POU2F3: variants seen among roughly 807,000 people sequenced by gnomAD.
POU2F3 encodes the protein POU class 2 homeobox 3.
In POU2F3, 23 loss-of-function variants were observed where a neutral mutation model predicts 59.2. That is an observed-to-expected ratio of 0.39 (90% confidence interval 0.28 to 0.55). The LOEUF is 0.55. POU2F3 is among the 20% of genes least tolerant of loss of function. The pLI, the probability that POU2F3 is intolerant of heterozygous loss-of-function variation, is 0.66. For synonymous variants in POU2F3, 190 were observed against 214.6 expected, an observed-to-expected ratio of 0.89 and a Z score of 1.00; for missense variants, 473 against 544.5, an observed-to-expected ratio of 0.87 and a Z score of 1.31.
intron 2 of POU2F3, chr11:120,265,784 A>G (rs1461158052): frequency 1.3e-5 from 2 of 152,064 alleles, no homozygotes; most frequent in Non-Finnish European, 2.9e-5. Flanking sequence ...TATTTTTCTC[A>G]CTTTCTAGGT....
At chr11:120,238,317 A>G (rs1938551007), upstream of POU2F3, among the ~76,000 whole-genome samples, 1 of 152,148 alleles carries the variant, frequency 6.6e-6, no homozygotes. Context: ...AGGGAGGTCC[A>G]TGTGACTGGG....
intron 11 of POU2F3, 45 bp from the exon 12 acceptor site, chr11:120,317,184 C>T (rs558340303): frequency 6.2e-7 from 1 of 1,609,356 alleles, no homozygotes; most frequent in Non-Finnish European, 8.5e-7. Flanking sequence ...TCCCGGGATC[C>T]AGCAGCATTA....
intron 2 of POU2F3, among the ~76,000 whole-genome samples, chr11:120,247,680 GAGA>G (rs1247134191): frequency 1.1e-4 from 16 of 152,162 alleles, no homozygotes; most frequent in African/African-American, 3.9e-4. Flanking sequence ...CTTCCCAGTT[GAGA>G]AGAAGATTCC....
At chr11:120,313,185 T>A (rs376078727) in intron 10 of POU2F3, among the ~76,000 whole-genome samples, 22 of 152,270 alleles carry the variant, frequency 1.4e-4, no homozygotes, top group African/African-American at 4.8e-4. Flanking sequence ...AAGTAGTAGA[T>A]TCTCCCTTTG....
chr11:120,302,585 G>A, intron 6 of POU2F3: 1 of 531,160 alleles, frequency 1.9e-6, no homozygotes, highest in South Asian at 2.6e-5. Flanking sequence ...AGAATCCAGA[G>A]ATTCCAGCTC....
intron 1 of POU2F3, among the ~76,000 whole-genome samples, chr11:120,240,784 G>C (rs754975455): frequency 6.6e-6 from 1 of 152,110 alleles, no homozygotes; most frequent in Non-Finnish European, 1.5e-5. Context: ...GCTGGTGTCC[G>C]GGCATATGTG....
chr11:120,279,491 C>A (rs1395434183), intron 3 of POU2F3, among the ~76,000 whole-genome samples: 1 of 152,158 alleles, frequency 6.6e-6, no homozygotes, highest in Non-Finnish European at 1.5e-5. Context: ...TGGGCTTGCA[C>A]CAGGTTGGAG....
In POU2F3 at chr11:120,299,737, T is replaced by C; in HGVS notation, c.361+11T>C. 1 of 1,605,736 alleles carries C rather than the reference T, an allele frequency of 6.2e-7. No homozygotes were observed. Among genetic ancestry groups the C allele is most frequent in the South Asian group, 1.1e-5 (1 of 90,474 alleles). ...AGCCTGGGCAGCAAGGTAAGAACCC[T>C]GGGGGTTTCCACCTAGACCAAGTCC... On this transcript the variant is annotated intron_variant, in intron 5 of 12. Coordinates refer to ENST00000543440, the MANE Select transcript of POU2F3 (RefSeq NM_014352.4).
At chr11:120,284,853 T>C (rs1012596777) in intron 3 of POU2F3, among the ~76,000 whole-genome samples, 2 of 152,172 alleles carry the variant, frequency 1.3e-5, no homozygotes, top group African/African-American at 4.8e-5. Context: ...CTGTCCCCTG[T>C]TCTCAGCAGC....
chr11:120,256,007 C>T (rs1435170019), intron 2 of POU2F3: 1 of 152,208 alleles, frequency 6.6e-6, no homozygotes, highest in Non-Finnish European at 1.5e-5. Flanking sequence ...AACCTGCGAA[C>T]TCACCTGAGT....
intron 10 of POU2F3, among the ~76,000 whole-genome samples, chr11:120,310,983 ATAAT>A (rs1220745163): frequency 3.3e-5 from 5 of 152,188 alleles, no homozygotes; most frequent in Admixed American, 2.6e-4. Flanking sequence ...CCCCGAGGAG[ATAAT>A]TAATACCTGA....
intron 3 of POU2F3, among the ~76,000 whole-genome samples, chr11:120,278,949 T>G (rs1289716994): frequency 6.6e-6 from 1 of 152,202 alleles, no homozygotes; most frequent in Non-Finnish European, 1.5e-5. Context: ...TCCAAAGTGA[T>G]GTCCCCATTG....
intron 3 of POU2F3, among the ~76,000 whole-genome samples, chr11:120,280,851 G>A (rs898249620): frequency 2.0e-5 from 3 of 152,190 alleles, no homozygotes; most frequent in African/African-American, 7.2e-5. Flanking sequence ...GCCAGGTAAA[G>A]GGTGGGGTGG....
Position 120,248,470 on chromosome 11 carries a change from C to T in POU2F3, c.97+1953C>T, listed in dbSNP as rs957433422. Among the ~76,000 whole-genome samples, 5 of 152,276 alleles carry T rather than the reference C, an allele frequency of 3.3e-5. No homozygotes were observed. In the East Asian group the frequency reaches 7.7e-4, roughly 23 times the overall value. On this transcript the variant is annotated intron_variant, in intron 2 of 12. Coordinates refer to ENST00000543440, the MANE Select transcript of POU2F3 (RefSeq NM_014352.4). ...GTGCTTGGCACATGGCAGCTGTGAT[C>T]GTCATTAAGATTCTGGAATATACAG...
Position 120,305,025 on chromosome 11 carries a change from A to C in POU2F3, c.445-5A>C. On this transcript the variant is annotated splice_region_variant and splice_polypyrimidine_tract_variant and intron_variant, in intron 6 of 12. Transcript: ENST00000543440. ...GGTGGATCTGCTTGGCGTGTTTCCT[A>C]TCAGGCATTTGGGCACCCTGGGCTG... is the stretch of plus-strand genomic sequence containing the variant. 2 of 1,594,004 alleles carry C rather than the reference A, an allele frequency of 1.3e-6. No homozygotes were observed. Among genetic ancestry groups the C allele is most frequent in the South Asian group, 1.1e-5 (1 of 88,804 alleles).
chr11:120,284,462 G>T (rs564914996), intron 3 of POU2F3, among the ~76,000 whole-genome samples: 1 of 152,144 alleles, frequency 6.6e-6, no homozygotes, highest in Non-Finnish European at 1.5e-5. Context: ...ACCACTTGCC[G>T]GCTGGGCCCG....
At chr11:120,261,225 C>G (rs77398360) in intron 2 of POU2F3, 1 of 150,924 alleles carries the variant, frequency 6.6e-6, no homozygotes, top group Admixed American at 6.6e-5. Flanking sequence ...TTGCCTCCCC[C>G]TGAGGATCAT....
At chr11:120,263,210 T>G (rs917083625) in intron 2 of POU2F3, among the ~76,000 whole-genome samples, 1 of 152,192 alleles carries the variant, frequency 6.6e-6, no homozygotes, top group Non-Finnish European at 1.5e-5. Context: ...CAGGCTGGTC[T>G]CGAACTCCTG....
At chr11:120,272,036 CTGCT>C (rs1219136010) in intron 3 of POU2F3, among the ~76,000 whole-genome samples, 1 of 152,154 alleles carries the variant, frequency 6.6e-6, no homozygotes, top group Non-Finnish European at 1.5e-5. Flanking sequence ...TCCCAGGCCC[CTGCT>C]TGAGGGTCAC....
Sources: allele counts gnomAD v4.1 joint callset (sites outside exome capture counted in the v4.1 genomes callset), GRCh38; gene constraint gnomAD v4.1.1; transcripts MANE v1.5; gene names NCBI Gene and HGNC (gene_info 2026-07-23, HGNC 2026-07-21).